Variants in NBN observed in about 807,000 individuals in gnomAD.
NBN encodes Nijmegen breakage syndrome 1 (nibrin).
A neutral mutation model predicts 90.8 loss-of-function variants in NBN; 88 were observed. That is an observed-to-expected ratio of 0.97 (90% CI 0.82 to 1.16). NBN has a LOEUF of 1.16. Among genes scored for constraint, NBN ranks in the 50% most tolerant of loss-of-function variants. The pLI is 0.00. For synonymous variants in NBN, 328 were observed against 295.1 expected (o/e 1.11, Z -1.14); for missense variants, 894 against 869.6 (o/e 1.03, Z -0.35).
chr8:89,940,458 A>T (rs974163002), intron 14 of NBN, among the ~76,000 whole-genome samples: 1 of 152,114 alleles, frequency 6.6e-6, no homozygotes, highest in African/African-American at 2.4e-5. Context: ...GAATGTTAGA[A>T]GTAATTTTGA....
intron 10 of NBN, among the ~76,000 whole-genome samples, chr8:89,954,614 C>T (rs1054623903): frequency 1.4e-4 from 21 of 150,946 alleles, no homozygotes; most frequent in African/African-American, 5.1e-4. Flanking sequence ...CAGCATGAAA[C>T]CCCTGTGGAA....
At chr8:89,966,181 C>T (rs1251821469) in intron 7 of NBN, among the ~76,000 whole-genome samples, 1 of 152,156 alleles carries the variant, frequency 6.6e-6, no homozygotes, top group Non-Finnish European at 1.5e-5. Flanking sequence ...TTCACCACTT[C>T]TGTTCAACAC....
intron 1 of NBN, among the ~76,000 whole-genome samples, chr8:89,983,406 T>C (rs1812168923): frequency 6.6e-6 from 1 of 150,498 alleles, no homozygotes; most frequent in African/African-American, 2.5e-5. Flanking sequence ...CACTCCAGCC[T>C]CGGTGACAGA....
intron 15 of NBN, chr8:89,936,087 C>CTTTTTTTTTT: frequency 3.6e-6 from 1 of 280,254 alleles, no homozygotes. Flanking sequence ...TCTGTCAACA[C>CTTTTTTTTTT]TTTTTTTTTT....
At chr8:89,947,504 C>T (rs1028661644) in intron 12 of NBN, among the ~76,000 whole-genome samples, 1 of 152,038 alleles carries the variant, frequency 6.6e-6, no homozygotes. Context: ...TGGCACATGC[C>T]TGTAGTCCTA....
Position 89,935,428 on chromosome 8 carries a change from G to T in NBN, c.*154C>A. 3.6e-6 allele frequency: 3 copies of T among 835,068 alleles called. No homozygotes were observed. Among genetic ancestry groups the T allele is most frequent in the Non-Finnish European group, 5.7e-6 (3 of 529,450 alleles). The allele number at this position is 835,068 out of a possible 1,614,324, so 51.7% of individuals were successfully genotyped here. On this transcript the variant is annotated 3_prime_UTR_variant, in exon 16 of 16. Coordinates refer to ENST00000265433, the MANE Select transcript of NBN (RefSeq NM_002485.5). ...GAACAAACAATTGTTACATACAAAAGAATCAAAGTTTTGTGCATTTTATTT... is the reference window on the plus strand; with the variant it reads ...GAACAAACAATTGTTACATACAAAATAATCAAAGTTTTGTGCATTTTATTT...
At chr8:89,970,212 G>A (rs1811438612) in intron 7 of NBN, 152 bp downstream of exon 7, 4 of 637,362 alleles carry the variant, frequency 6.3e-6, no homozygotes, top group Non-Finnish European at 1.1e-5. Flanking sequence ...TCGTGCCACT[G>A]CACTCCAGCC....
intron 15 of NBN, 159 bp from the exon 16 acceptor site, chr8:89,935,771 C>A: frequency 2.9e-6 from 1 of 341,310 alleles, no homozygotes; most frequent in Non-Finnish European, 4.1e-6. Context: ...TTTTTATTTT[C>A]ATGTATCCCT....
intron 1 of NBN, chr8:89,984,276 G>C: frequency 1.7e-6 from 1 of 591,172 alleles, no homozygotes; most frequent in Non-Finnish European, 3.1e-6. Flanking sequence ...GGAGTCAGGG[G>C]AGGGGCGCGG....
rs62531984 is a variant in NBN at position 89,965,999 on chromosome 8, A to G, written c.897-1492T>C. ...TTCAAAACTGGTATTTTATTTACTA[A>G]CTTTTGCAACTATAACTTATACTAT... On this transcript the variant is annotated intron_variant, in intron 7 of 15. Transcript: ENST00000265433. 2.8e-3 allele frequency among the ~76,000 whole-genome samples: 424 copies of G among 152,342 alleles called. 1 individual carries two copies. The highest frequency in any genetic ancestry group is 4.7e-3 in the Non-Finnish European group (319 of 68,034).
At chr8:89,954,575 A>G (rs1202258127) in intron 10 of NBN, among the ~76,000 whole-genome samples, 1 of 152,138 alleles carries the variant, frequency 6.6e-6, no homozygotes, top group African/African-American at 2.4e-5. Flanking sequence ...AGAGGACAGA[A>G]AAAGTTTTTA....
chr8:89,963,401 C>T (rs1019010348), intron 8 of NBN, among the ~76,000 whole-genome samples: 1 of 152,082 alleles, frequency 6.6e-6, no homozygotes, highest in African/African-American at 2.4e-5. Flanking sequence ...GAAATAACTA[C>T]ACAACAAATC....
chr8:89,952,547 A>G (rs549168300), intron 11 of NBN, among the ~76,000 whole-genome samples: 74 of 152,250 alleles, frequency 4.9e-4, no homozygotes, highest in Non-Finnish European at 9.8e-4. Context: ...CTAATAAACT[A>G]TAACTTCCGT....
At chr8:89,972,856 A>G (rs1359847690) in intron 5 of NBN, among the ~76,000 whole-genome samples, 4 of 152,234 alleles carry the variant, frequency 2.6e-5, no homozygotes, top group African/African-American at 4.8e-5. Flanking sequence ...TAAAACTATG[A>G]CTGAGTAGAT....
At position 89,953,287 on chromosome 8, in the gene NBN, T is replaced by C. The variant is rs553571469; in HGVS notation, c.1802A>G (p.Asp601Gly). 1.2e-6 allele frequency: 2 copies of C among 1,613,300 alleles called. No homozygotes were observed. The highest frequency in any genetic ancestry group is 1.3e-5 in the African/African-American group (1 of 75,032). The change falls in exon 11 of 16, where the codon GAC becomes GGC. Residue 601 changes from aspartate to glycine, a missense_variant. Asp to Gly is a moderately conservative substitution (Grantham distance 94). Coordinates refer to ENST00000265433, the MANE Select transcript of NBN (RefSeq NM_002485.5). ...TGGTACTGCTTCATCACTGAAAGTGTCATTTGTTTCTATATCCATCCTTGG... is the reference window on the plus strand; with the variant it reads ...TGGTACTGCTTCATCACTGAAAGTGCCATTTGTTTCTATATCCATCCTTGG... The part of the protein sequence containing the change: ...KRPRMDIETN[D>G]TFSDEAVPES...
At chr8:89,962,682 C>G (rs1043963203) in intron 8 of NBN, among the ~76,000 whole-genome samples, 2 of 152,156 alleles carry the variant, frequency 1.3e-5, no homozygotes, top group African/African-American at 4.8e-5. Context: ...TAAAACTTCA[C>G]AAGAACTTAC....
intron 14 of NBN, among the ~76,000 whole-genome samples, chr8:89,941,377 G>A (rs1475090235): frequency 6.6e-6 from 1 of 152,156 alleles, no homozygotes. Context: ...GGCTAGGTGG[G>A]AGGAAGTACT....
intron 11 of NBN, among the ~76,000 whole-genome samples, chr8:89,952,498 A>G (rs1810488285): frequency 6.6e-6 from 1 of 152,180 alleles, no homozygotes; most frequent in African/African-American, 2.4e-5. Flanking sequence ...TTGTAGATTT[A>G]TAAGGTCCTT....
At chr8:89,964,533 T>C (rs368240045) in intron 7 of NBN, 26 bp from the exon 8 acceptor site, 38 of 1,562,524 alleles carry the variant, frequency 2.4e-5, no homozygotes, top group Admixed American at 5.0e-5. Flanking sequence ...AGTTTAAGTA[T>C]GATAATATAT....
Sources: gnomAD v4.1 joint callset for allele counts (sites outside exome capture counted in the v4.1 genomes callset) on GRCh38, gnomAD v4.1.1 for gene constraint, MANE v1.5 for transcripts, NCBI Gene and HGNC (gene_info 2026-07-23, HGNC 2026-07-21) for gene names.